TJAP1: variants seen among roughly 807,000 people sequenced by gnomAD.
TJAP1 encodes the protein tight junction associated protein 1.
A neutral mutation model predicts 42.0 loss-of-function variants in TJAP1; 27 were observed. The ratio of observed to expected loss-of-function variants is 0.64; its 90% CI spans 0.47 to 0.89. The LOEUF (loss-of-function observed/expected upper bound fraction) is 0.89. Ranked by LOEUF, TJAP1 falls within the 40% of genes least tolerant of loss-of-function variation. TJAP1 has a pLI of 0.00. For missense variants in TJAP1, 712 were observed against 726.9 expected (o/e 0.98, Z 0.24); for synonymous variants, 257 against 288.4 (o/e 0.89, Z 1.10).
At chr6:43,488,862 G>A (rs1329215161) in intron 2 of TJAP1, among the ~76,000 whole-genome samples, 7 of 152,294 alleles carry the variant, frequency 4.6e-5, no homozygotes, top group Non-Finnish European at 8.8e-5. Flanking sequence ...GCAACATGGG[G>A]AGCCCAGTGT....
intron 2 of TJAP1, among the ~76,000 whole-genome samples, chr6:43,481,973 G>C (rs1380208015): frequency 6.6e-6 from 1 of 152,182 alleles, no homozygotes; most frequent in African/African-American, 2.4e-5. Flanking sequence ...GCTTTCCCTG[G>C]GAACTCTGCA....
intron 2 of TJAP1, among the ~76,000 whole-genome samples, chr6:43,490,491 G>A (rs1787567573): frequency 6.6e-6 from 1 of 152,220 alleles, no homozygotes; most frequent in East Asian, 1.9e-4. Context: ...TATCAAGAAG[G>A]GAAGGTTGGA....
chr6:43,503,383 C>T lies in TJAP1; in HGVS notation c.388-18C>T. 6 of 1,605,528 alleles carry T rather than the reference C, an allele frequency of 3.7e-6. No homozygotes were observed. The highest frequency in any genetic ancestry group is 5.1e-6 in the Non-Finnish European group (6 of 1,173,248). On this transcript the variant is annotated intron_variant, in intron 8 of 10. Transcript: ENST00000372449. The stretch of plus-strand genomic sequence containing the variant: ...TGGCTAGAGTGTGGGCTGGGTTAAC[C>T]TCAAGTCTGTGCTTCAGATCAAGAA...
At chr6:43,504,561 AG>A (rs2127658496) in intron 10 of TJAP1, 199 bp from the exon 11 acceptor site, 1 of 697,898 alleles carries the variant, frequency 1.4e-6, no homozygotes, top group African/African-American at 1.8e-5. Flanking sequence ...AGTTAACCAA[AG>A]CTTTGAGTTG....
rs912086860 is a variant in TJAP1 at position 43,502,635 on chromosome 6, G to C, written c.387+18G>C. The C allele has an allele frequency of 3.2e-6, 5 of 1,551,774 alleles. No individual in the cohort carries two copies. In the Admixed American group the frequency reaches 9.8e-5, roughly 30 times the overall value. ...TTTTTGCAGTTGCGTCTGAGTTTGTGTGTCTTCTCCCTTGCCCTGGCCTTC... is the reference window on the plus strand; with the variant it reads ...TTTTTGCAGTTGCGTCTGAGTTTGTCTGTCTTCTCCCTTGCCCTGGCCTTC... On this transcript the variant is annotated intron_variant, in intron 8 of 10. Coordinates refer to ENST00000372449, the Ensembl canonical transcript of TJAP1.
At chr6:43,477,745 T>G (rs1784504041) in intron 1 of TJAP1, 117 bp downstream of exon 1, 1 of 145,374 alleles carries the variant, frequency 6.9e-6, no homozygotes, top group East Asian at 2.0e-4. Context: ...AAAGAGGAGA[T>G]GGAATGGAGT....
At chr6:43,484,994 C>A (rs564294923) in intron 2 of TJAP1, among the ~76,000 whole-genome samples, 1 of 152,170 alleles carries the variant, frequency 6.6e-6, no homozygotes, top group Admixed American at 6.5e-5. Context: ...TCCCAAAGTG[C>A]CAGGATTACA....
In TJAP1 at chr6:43,505,349, C is replaced by T. The variant is rs752535285; in HGVS notation, c.1168C>T (p.Pro390Ser). The T allele has an allele frequency of 2.5e-6, 4 of 1,608,714 alleles. No homozygotes were observed. The Admixed American group carries it at 6.7e-5, about 27-fold the overall frequency. Residue 390 changes from proline (P) to serine (S), a missense_variant, in exon 11 of 11, where the codon CCC (proline) becomes TCC (serine). This residue lies in a region of TJAP1 where 549 missense variants were observed against 528.2 expected (regional missense o/e 1.04). Coordinates refer to ENST00000372449, the Ensembl canonical transcript of TJAP1. The surrounding 1 kb of genome is among the most constrained non-coding windows in gnomAD (Gnocchi z 5.5). ...AGCCCAGGCCTCACCCCACCACCAG[C>T]CCAGCCCAGCACCCCTAACACTCAG... is the stretch of plus-strand genomic sequence containing the variant.
chr6:43,503,420 A>C, exon 9 of TJAP1: 1 of 1,613,900 alleles, frequency 6.2e-7, no homozygotes, highest in Non-Finnish European at 8.5e-7. Context: ...GCTGAGATGG[A>C]TAGGAAGACG....
chr6:43,488,323 C>A (rs1437470328), intron 2 of TJAP1, among the ~76,000 whole-genome samples: 1 of 152,244 alleles, frequency 6.6e-6, no homozygotes, highest in East Asian at 1.9e-4. Flanking sequence ...GCCTCCTTCC[C>A]AGTCGAGTGA....
chr6:43,490,287 C>T (rs566691776), intron 2 of TJAP1, among the ~76,000 whole-genome samples: 2 of 152,244 alleles, frequency 1.3e-5, no homozygotes, highest in African/African-American at 4.8e-5. Flanking sequence ...CGTCACCCTT[C>T]CCCGAGTCAG....
intron 2 of TJAP1, among the ~76,000 whole-genome samples, chr6:43,494,063 C>A (rs1314426926): frequency 6.6e-6 from 1 of 152,198 alleles, no homozygotes; most frequent in Admixed American, 6.5e-5. Flanking sequence ...AGTCCCATTT[C>A]TAATGAAAGT....
rs905248772 is a variant in TJAP1 at position 43,505,779 on chromosome 6, A to G, written c.1598A>G (p.Lys533Arg). The change falls in exon 11 of 11, where the codon AAG (lysine) becomes AGG (arginine). Residue 533 changes from lysine (K) to arginine (R), a missense_variant. Lys to Arg is a conservative substitution (Grantham distance 26). Coordinates refer to ENST00000372449, the Ensembl canonical transcript of TJAP1. The surrounding 1 kb of genome is among the most constrained non-coding windows in gnomAD (Gnocchi z 5.5). Reference sequence around the variant, plus strand: ...TCCAGTCGCCCCCAGCGCAGCCCCAAGAGGATGGGGGTTCACCACCTGCAC... The same window carrying G: ...TCCAGTCGCCCCCAGCGCAGCCCCAGGAGGATGGGGGTTCACCACCTGCAC... 2.0e-6 allele frequency: 3 copies of G among 1,510,988 alleles called. No individual in the cohort carries two copies. The African/African-American group carries it at 4.2e-5, about 21-fold the overall frequency. 93.6% of individuals were successfully genotyped at this position (1,510,988 alleles called of 1,614,324 possible).
rs745330985 is a variant in TJAP1, at chr6:43,502,575, ACT to A, written c.358-9_358-8del. The stretch of plus-strand genomic sequence containing the variant: ...CTCATGCTGCCACCGTTGCTGCTGC[ACT>A]CTCCTCTCAGGCCTCTCTTAGCCAC... On this transcript the variant is annotated splice_polypyrimidine_tract_variant and intron_variant, in intron 7 of 10. Transcript: ENST00000372449. The A allele has an allele frequency of 6.5e-5, 100 of 1,544,438 alleles. No homozygotes were observed. Among genetic ancestry groups the A allele is most frequent in the Non-Finnish European group, 8.5e-5 (97 of 1,141,354 alleles).
chr6:43,492,630 C>T lies in TJAP1; in HGVS notation c.-121-5251C>T, dbSNP rs1266497366. On this transcript the variant is annotated intron_variant, in intron 2 of 10. Transcript: ENST00000372449. The surrounding 1 kb of genome is among the most constrained non-coding windows in gnomAD (Gnocchi z 4.2). Reference sequence around the variant, plus strand: ...GAACCCAGTTTTGGTGGGATCAGCCCACTGCTCTGGGGGACTGCTATTCAT... The same window carrying T: ...GAACCCAGTTTTGGTGGGATCAGCCTACTGCTCTGGGGGACTGCTATTCAT... 5.3e-5 allele frequency among the ~76,000 whole-genome samples: 8 copies of T among 152,180 alleles called. No individual in the cohort carries two copies. The highest frequency in any genetic ancestry group is 1.2e-4 in the Non-Finnish European group (8 of 68,034).
intron 6 of TJAP1, among the ~76,000 whole-genome samples, chr6:43,502,074 ACACTCT>A (rs1487030857): frequency 6.3e-5 from 6 of 94,692 alleles, no homozygotes; most frequent in African/African-American, 1.1e-4. Context: ...ACACACACAC[ACACTCT>A]CTCTCTCTCT....
chr6:43,504,941 C>T (rs766840173), exon 11 of TJAP1: 13 of 1,614,058 alleles, frequency 8.1e-6, no homozygotes, highest in South Asian at 1.1e-5. Context: ...CAGCGCCGGG[C>T]GCCCCTTGGC....
intron 2 of TJAP1, among the ~76,000 whole-genome samples, chr6:43,490,597 T>C (rs1180675980): frequency 6.6e-6 from 1 of 152,160 alleles, no homozygotes; most frequent in Non-Finnish European, 1.5e-5. Context: ...CTTGACCTGG[T>C]TCTGGGGAAT....
Position 43,495,775 on chromosome 6 carries a change from G to A in TJAP1, c.-121-2106G>A, listed in dbSNP as rs1788963135. ...ATCGCCTCTGGCCATGGAAGCCCTG[G>A]GGATAAATACATGCTGTAGGGCCAG... On this transcript the variant is annotated intron_variant, in intron 2 of 10. Coordinates refer to ENST00000372449, the Ensembl canonical transcript of TJAP1. The surrounding 1 kb of genome is among the most constrained non-coding windows in gnomAD (Gnocchi z 4.6). Among the ~76,000 whole-genome samples the A allele has an allele frequency of 1.3e-5, 2 of 152,154 alleles. No individual in the cohort carries two copies. Among genetic ancestry groups the A allele is most frequent in the African/African-American group, 4.8e-5 (2 of 41,428 alleles).
Sources: gnomAD v4.1 joint callset for allele counts (sites outside exome capture counted in the v4.1 genomes callset) on GRCh38, gnomAD v4.1.1 for gene constraint, gnomAD v4.1.1 regional missense constraint, Gnocchi (gnomAD v3.1) non-coding constraint, MANE v1.5 for transcripts, NCBI Gene and HGNC (gene_info 2026-07-23, HGNC 2026-07-21) for gene names.